Variants in DHCR24 observed in about 807,000 individuals in gnomAD.
The protein encoded by DHCR24 is delta(24)-sterol reductase.
In DHCR24, 28 loss-of-function variants were observed where a neutral mutation model predicts 61.2. That is an observed-to-expected ratio of 0.46 (90% CI 0.34 to 0.63). DHCR24 has a LOEUF of 0.63. DHCR24 is among the 20% of genes least tolerant of loss of function. DHCR24 has a pLI of 0.01. For synonymous variants in DHCR24, 261 were observed against 275.9 expected, an observed-to-expected ratio of 0.95 and a Z score of 0.54; for missense variants, 538 against 679.1, an observed-to-expected ratio of 0.79 and a Z score of 2.31.
At chr1:54,869,266 G>A (rs893266118) in intron 5 of DHCR24, among the ~76,000 whole-genome samples, 1 of 152,206 alleles carries the variant, frequency 6.6e-6, no homozygotes, top group African/African-American at 2.4e-5. Context: ...TGGCAAGAAT[G>A]TAGGGAAAAA....
chr1:54,856,471 G>A (rs997809931), intron 6 of DHCR24, among the ~76,000 whole-genome samples: 1 of 152,040 alleles, frequency 6.6e-6, no homozygotes, highest in Non-Finnish European at 1.5e-5. Context: ...CGTGGTGGCG[G>A]GTGCGTGTAA....
intron 6 of DHCR24, among the ~76,000 whole-genome samples, chr1:54,857,146 T>C (rs1410423295): frequency 1.3e-5 from 2 of 152,372 alleles, no homozygotes; most frequent in Admixed American, 6.5e-5. Context: ...CCTTCTCCTT[T>C]CCCGCTTCTG....
intron 5 of DHCR24, among the ~76,000 whole-genome samples, chr1:54,866,606 C>T (rs903969959): frequency 9.2e-5 from 14 of 152,246 alleles, no homozygotes; most frequent in East Asian, 1.9e-4. Context: ...GTGCCAAGCA[C>T]GGTGCCTGGT....
chr1:54,868,827 G>T (rs556376566), intron 5 of DHCR24, among the ~76,000 whole-genome samples: 30 of 152,284 alleles, frequency 2.0e-4, no homozygotes, highest in African/African-American at 6.7e-4. Flanking sequence ...CAGCATTTTG[G>T]GAGGCCGAGG....
intron 2 of DHCR24, among the ~76,000 whole-genome samples, chr1:54,877,992 C>T (rs1358525154): frequency 4.3e-5 from 6 of 140,312 alleles, no homozygotes; most frequent in East Asian, 2.1e-4. Context: ...GATGACAGGG[C>T]GAGACTCTGT....
chr1:54,886,837 C>G, intron 1 of DHCR24, 52 bp downstream of exon 1: 1 of 1,593,950 alleles, frequency 6.3e-7, no homozygotes, highest in South Asian at 1.1e-5. Flanking sequence ...CCCGCTATCC[C>G]CGCGCACGCC....
Position 54,871,402 on chromosome 1 carries a change from T to G in DHCR24, c.824A>C (p.Asp275Ala). Residue 275 changes from aspartate to alanine, a missense_variant, in exon 5 of 9, where the codon GAT (aspartate) becomes GCT (alanine). By Grantham distance (126) the Asp-to-Ala change is moderately radical (BLOSUM62 -2). Transcript: ENST00000371269. ...HFVEGLLYSL[D>A]EAVIMTGVMT... ...GACCCCTGTCATAATGACAGCCTCA[T>G]CCAGGGAGTAGAGCAGCCCTTCCAC... is the stretch of plus-strand genomic sequence containing the variant. 6.2e-7 allele frequency: 1 copy of G among 1,614,128 alleles called. No homozygotes were observed. Among genetic ancestry groups the G allele is most frequent in the Non-Finnish European group, 8.5e-7 (1 of 1,180,016 alleles).
intron 8 of DHCR24, 116 bp downstream of exon 8, chr1:54,853,318 G>A: frequency 7.4e-7 from 1 of 1,356,294 alleles, no homozygotes; most frequent in Non-Finnish European, 1.0e-6. Flanking sequence ...GGGGCCCTAA[G>A]GAACCAGTTG....
intron 2 of DHCR24, among the ~76,000 whole-genome samples, chr1:54,882,674 G>T (rs1647069854): frequency 6.6e-6 from 1 of 152,196 alleles, no homozygotes; most frequent in South Asian, 2.1e-4. Context: ...GAAAGAGAAT[G>T]AACTATTGAC....
At position 54,875,955 on chromosome 1, in the gene DHCR24, A is replaced by G. The variant is rs1397079164; in HGVS notation, c.480T>C (p.Asp160=). Residue 160 remains aspartate, a synonymous_variant, in exon 3 of 9, where the codon GAT becomes GAC. Transcript: ENST00000371269. ...GWTLPVLPEL[D]DLTVGGLIMG... ...TAGGGTCCTCACCCACTGTGAGGTCATCAAGCTCAGGCAACACGGGGAGAG... is the reference window on the plus strand; with the variant it reads ...TAGGGTCCTCACCCACTGTGAGGTCGTCAAGCTCAGGCAACACGGGGAGAG... The G allele has an allele frequency of 6.2e-7, 1 of 1,613,808 alleles. No individual in the cohort carries two copies. The highest frequency in any genetic ancestry group is 1.7e-5 in the Admixed American group (1 of 59,990).
intron 6 of DHCR24, among the ~76,000 whole-genome samples, chr1:54,854,686 T>G (rs1646896911): frequency 6.6e-6 from 1 of 152,188 alleles, no homozygotes; most frequent in Non-Finnish European, 1.5e-5. Flanking sequence ...TTAGAGAATT[T>G]AAGCAGTCTC....
At position 54,869,218 on chromosome 1, in the gene DHCR24, C is replaced by A. The variant is rs2288318; in HGVS notation, c.876+2132G>T. On this transcript the variant is annotated intron_variant, in intron 5 of 8. Transcript: ENST00000371269. ...AACGAGATACTATTTTTAACGCTATCAGATTGGCAAAAATGAAAGAGTGAT... is the reference window on the plus strand; with the variant it reads ...AACGAGATACTATTTTTAACGCTATAAGATTGGCAAAAATGAAAGAGTGAT... Among the ~76,000 whole-genome samples the A allele has an allele frequency of 8.8e-3, 1,341 of 152,296 alleles. 54 individuals carry two copies. The East Asian group carries it at 0.12, about 14-fold the overall frequency.
intron 6 of DHCR24, among the ~76,000 whole-genome samples, chr1:54,859,472 T>C (rs1176836822): frequency 6.6e-6 from 1 of 152,128 alleles, no homozygotes; most frequent in African/African-American, 2.4e-5. Flanking sequence ...CTCCAACAGT[T>C]CCTTTTTTTT....
At position 54,871,581 on chromosome 1, in the gene DHCR24, G is replaced by A; in HGVS notation, c.645C>T (p.Pro215=). Reference sequence around the variant, plus strand: ...GGAAACCCAGCGTCCCACAGGACCAGGGTACGGCATAGAACAGGTCTGAGT... The same window carrying A: ...GGAAACCCAGCGTCCCACAGGACCAAGGTACGGCATAGAACAGGTCTGAGT... The part of the protein sequence containing the change: ...SENSDLFYAV[P]WSCGTLGFLV... The change falls in exon 5 of 9, where the codon CCC becomes CCT. Residue 215 remains proline (P), a synonymous_variant. Coordinates refer to ENST00000371269, the MANE Select transcript of DHCR24 (RefSeq NM_014762.4). 6.2e-7 allele frequency: 1 copy of A among 1,614,220 alleles called. No homozygotes were observed. The highest frequency in any genetic ancestry group is 8.5e-7 in the Non-Finnish European group (1 of 1,180,038).
In DHCR24 at chr1:54,883,777, C is replaced by T; in HGVS notation, c.232-4G>A. ...CCTGCTCCTTCCATTCCCGCACCTG[C>T]AACCACAGGACAGAGGGTGAGCTGG... On this transcript the variant is annotated splice_region_variant and splice_polypyrimidine_tract_variant and intron_variant, in intron 1 of 8. Transcript: ENST00000371269. The surrounding 1 kb of genome is among the most constrained non-coding windows in gnomAD (Gnocchi z 4.3). The T allele has an allele frequency of 6.2e-7, 1 of 1,614,098 alleles. No individual in the cohort carries two copies. Among genetic ancestry groups the T allele is most frequent in the African/African-American group, 1.3e-5 (1 of 75,060 alleles).
In DHCR24 at chr1:54,868,305, C is replaced by A. The variant is rs181356646; in HGVS notation, c.877-2859G>T. 4.2e-3 allele frequency among the ~76,000 whole-genome samples: 636 copies of A among 152,172 alleles called. 3 individuals are homozygous for A. Among genetic ancestry groups the A allele is most frequent in the Non-Finnish European group, 6.9e-3 (470 of 68,002 alleles). On this transcript the variant is annotated intron_variant, in intron 5 of 8. Coordinates refer to ENST00000371269, the MANE Select transcript of DHCR24 (RefSeq NM_014762.4). ...CTAACACAGTGAAACCCCATCTCTA[C>A]TAAAAATACAAAAAATTAGCCGGGC...
At chr1:54,884,673 C>T (rs1389765248) in intron 1 of DHCR24, among the ~76,000 whole-genome samples, 1 of 152,130 alleles carries the variant, frequency 6.6e-6, no homozygotes, top group African/African-American at 2.4e-5. Context: ...TCCTTTGGTC[C>T]AAGTGAGACT....
At chr1:54,885,468 G>A (rs1647087915) in intron 1 of DHCR24, among the ~76,000 whole-genome samples, 1 of 152,206 alleles carries the variant, frequency 6.6e-6, no homozygotes, top group African/African-American at 2.4e-5. Context: ...AAATGTCAGA[G>A]TTCAGGCTCT....
rs1646868922 is a variant in DHCR24, at chr1:54,850,456, CT to C, written c.*1776del. 2 of 152,338 alleles carry C rather than the reference CT, an allele frequency of 1.3e-5. No homozygotes were observed. Among genetic ancestry groups the C allele is most frequent in the South Asian group, 4.1e-4 (2 of 4,828 alleles). 9.4% of individuals were successfully genotyped at this position (152,338 alleles called of 1,614,324 possible). ...AGAGGCCAAATGGGTAGGGTGGTTC[CT>C]TTGCCTTCTGAGTGCCTGGATGCCC... On this transcript the variant is annotated 3_prime_UTR_variant, in exon 9 of 9. Coordinates refer to ENST00000371269, the MANE Select transcript of DHCR24 (RefSeq NM_014762.4).
Sources: allele counts gnomAD v4.1 joint callset (sites outside exome capture counted in the v4.1 genomes callset), GRCh38; gene constraint gnomAD v4.1.1; non-coding constraint Gnocchi (gnomAD v3.1); transcripts MANE v1.5; gene names NCBI Gene and HGNC (gene_info 2026-07-23, HGNC 2026-07-21).